The following NOLC1 variants were observed in gnomAD, a reference collection of about 807,000 sequenced individuals.
NOLC1 encodes 140 kDa nucleolar phosphoprotein.
A neutral mutation model predicts 73.4 loss-of-function variants in NOLC1; 37 were observed. The observed-to-expected ratio is 0.50, with a 90% CI of 0.39 to 0.66. The LOEUF is 0.66. Among genes scored for constraint, NOLC1 ranks in the 30% least tolerant of loss-of-function variants. The pLI, the probability that NOLC1 is intolerant of heterozygous loss-of-function variation, is 0.00. For synonymous variants in NOLC1, 327 were observed against 302.6 expected, an observed-to-expected ratio of 1.08 and a Z score of -0.84; for missense variants, 921 against 838.9, an observed-to-expected ratio of 1.10 and a Z score of -1.21.
Position 102,152,439 on chromosome 10 carries a change from T to C in NOLC1, c.29T>C (p.Val10Ala), listed in dbSNP as rs755318558. Residue 10 changes from valine to alanine, a missense_variant, in exon 1 of 13, where the codon GTT becomes GCT. Physicochemically the swap from Val to Ala is moderately conservative, Grantham distance 64. Coordinates refer to ENST00000605788, the MANE Select transcript of NOLC1 (RefSeq NM_004741.5). ...GCGGACGCCGGCATTCGCCGCGTGGTTCCCAGCGACCTGTATCCCCTCGTG... is the reference window on the plus strand; with the variant it reads ...GCGGACGCCGGCATTCGCCGCGTGGCTCCCAGCGACCTGTATCCCCTCGTG... MADAGIRRV[V>A]PSDLYPLVLG... 1.2e-6 allele frequency: 2 copies of C among 1,612,560 alleles called. No homozygotes were observed. The highest frequency in any genetic ancestry group is 1.1e-5 in the South Asian group (1 of 91,088).
At position 102,159,229 on chromosome 10, in the gene NOLC1, CCAGTAGCAG is replaced by C. The variant is rs748147452; in HGVS notation, c.657_665del (p.Ser225_Ser227del). The C allele has an allele frequency of 5.5e-5, 89 of 1,613,874 alleles. No homozygotes were observed. The highest frequency in any genetic ancestry group is 6.4e-5 in the Non-Finnish European group (75 of 1,180,010). On this transcript the variant is annotated inframe_deletion, in exon 6 of 13. Coordinates refer to ENST00000605788, the MANE Select transcript of NOLC1 (RefSeq NM_004741.5). ...CCTAAAATAGCCAATGGTAAAGCAG[CCAGTAGCAG>C]CAGTAGCAGCAGCAGCAGCAGTAGC...
intron 7 of NOLC1, 85 bp from the exon 8 acceptor site, chr10:102,159,811 A>C: frequency 1.5e-6 from 2 of 1,349,694 alleles, no homozygotes; most frequent in Non-Finnish European, 2.0e-6. Context: ...AGTGAAGGGG[A>C]ATTAAGCTTC....
chr10:102,158,316 T>A (rs2069634602), intron 5 of NOLC1, 102 bp downstream of exon 5: 1 of 939,854 alleles, frequency 1.1e-6, no homozygotes, highest in Non-Finnish European at 1.6e-6. Context: ...GTACTGTTTG[T>A]TGAACTGGAG....
rs780252819 is a variant in NOLC1, at chr10:102,157,209, G to A, written c.197G>A (p.Arg66Gln). Residue 66 changes from arginine (R) to glutamine (Q), a missense_variant, in exon 3 of 13, where the codon CGA (arginine) becomes CAA (glutamine). By Grantham distance (43) the Arg-to-Gln change is conservative. Coordinates refer to ENST00000605788, the MANE Select transcript of NOLC1 (RefSeq NM_004741.5). The stretch of plus-strand genomic sequence containing the variant: ...AGCAGGTCTGCCAAGGTCCCAGAGC[G>A]AAAGTTACAGGCAAATGGACCAGTG... ...FWLKSAKVPERKLQANGPVAK... is the reference protein window; with the variant it reads ...FWLKSAKVPEQKLQANGPVAK... The A allele has an allele frequency of 2.3e-5, 37 of 1,614,080 alleles. No individual in the cohort carries two copies. Among genetic ancestry groups the A allele is most frequent in the East Asian group, 1.6e-4 (7 of 44,904 alleles).
chr10:102,153,499 A>G (rs2069540431), intron 1 of NOLC1, among the ~76,000 whole-genome samples: 2 of 152,218 alleles, frequency 1.3e-5, no homozygotes, highest in Non-Finnish European at 2.9e-5. Context: ...TAGCAGAATC[A>G]GGCTGCGAAA....
chr10:102,161,595 A>T lies in NOLC1; in HGVS notation c.1781A>T (p.Glu594Val), dbSNP rs753612673. Residue 594 changes from glutamate to valine, a missense_variant, in exon 11 of 13, where the codon GAG becomes GTG. Physicochemically the swap from Glu to Val is moderately radical, Grantham distance 121. Transcript: ENST00000605788. ...KKRKQNEAAK[E>V]AETPQAKKIK... The stretch of plus-strand genomic sequence containing the variant: ...CGGAAGCAGAATGAGGCTGCCAAGG[A>T]GGCAGAGACTCCTCAGGCCAAGAAG... 81 of 1,613,932 alleles carry T rather than the reference A, an allele frequency of 5.0e-5. No homozygotes were observed. The highest frequency in any genetic ancestry group is 6.4e-5 in the Non-Finnish European group (75 of 1,179,958).
At position 102,152,607 on chromosome 10, in the gene NOLC1, G is replaced by A. The variant is rs367617568; in HGVS notation, c.120+77G>A. 1.2e-5 allele frequency: 19 copies of A among 1,590,272 alleles called. No homozygotes were observed. In the African/African-American group the frequency reaches 1.6e-4, roughly 13 times the overall value. On this transcript the variant is annotated intron_variant, in intron 1 of 12. Coordinates refer to ENST00000605788, the MANE Select transcript of NOLC1 (RefSeq NM_004741.5). The stretch of plus-strand genomic sequence containing the variant: ...AGGCCCTGACGTGCTTAGGTTTCCA[G>A]GTGGGGAAGTCTGGGGGTCCGCCAG...
chr10:102,159,794 A>C (rs898650402), intron 7 of NOLC1, 102 bp from the exon 8 acceptor site: 3 of 1,252,104 alleles, frequency 2.4e-6, no homozygotes, highest in Non-Finnish European at 3.3e-6. Context: ...ATTCTGGCCC[A>C]TACTCAAGTG....
intron 1 of NOLC1, among the ~76,000 whole-genome samples, chr10:102,154,486 CA>C (rs373904463): frequency 2.6e-5 from 4 of 152,120 alleles, no homozygotes; most frequent in African/African-American, 9.6e-5. Flanking sequence ...GTAATTTGTC[CA>C]AAGGTGAGTT....
chr10:102,161,251 T>A (rs950096149), intron 10 of NOLC1, among the ~76,000 whole-genome samples, 158 bp downstream of exon 10: 8 of 151,364 alleles, frequency 5.3e-5, no homozygotes, highest in Non-Finnish European at 8.9e-5. Flanking sequence ...TTTTTTTTTT[T>A]ATTAGAGTCT....
At position 102,152,474 on chromosome 10, in the gene NOLC1, C is replaced by T. The variant is rs1331516827; in HGVS notation, c.64C>T (p.Leu22=). ...SDLYPLVLGF[L]RDNQLSEVAN... is the part of the protein sequence containing the mutation. ...CCTGTATCCCCTCGTGCTCGGCTTC[C>T]TGCGCGATAACCAACTCTCAGAGGT... The change falls in exon 1 of 13, where the codon CTG becomes TTG. Residue 22 remains leucine, a synonymous_variant. Coordinates refer to ENST00000605788, the MANE Select transcript of NOLC1 (RefSeq NM_004741.5). The T allele has an allele frequency of 1.2e-6, 2 of 1,613,600 alleles. No homozygotes were observed. Among genetic ancestry groups the T allele is most frequent in the Admixed American group, 3.3e-5 (2 of 60,014 alleles).
At position 102,160,827 on chromosome 10, in the gene NOLC1, A is replaced by G; in HGVS notation, c.1475A>G (p.Lys492Arg). Residue 492 changes from lysine to arginine, a missense_variant, in exon 10 of 13, where the codon AAG (lysine) becomes AGG (arginine). By Grantham distance (26) the Lys-to-Arg change is conservative (BLOSUM62 2). Coordinates refer to ENST00000605788, the MANE Select transcript of NOLC1 (RefSeq NM_004741.5). ...EEKTSKSAVK[K>R]KPQKVAGGAA... ...AAGACATCTAAGTCTGCAGTTAAGA[A>G]GAAGCCACAGAAGGTAGCAGGAGGT... 2 of 1,614,180 alleles carry G rather than the reference A, an allele frequency of 1.2e-6. No homozygotes were observed. Among genetic ancestry groups the G allele is most frequent in the South Asian group, 1.1e-5 (1 of 91,082 alleles).
intron 11 of NOLC1, 77 bp from the exon 12 acceptor site, chr10:102,161,756 A>T (rs1304540325): frequency 6.6e-7 from 1 of 1,522,182 alleles, no homozygotes; most frequent in Non-Finnish European, 9.1e-7. Flanking sequence ...GACCTGGTAC[A>T]TGTGCCCATG....
At position 102,157,562 on chromosome 10, in the gene NOLC1, AGCTTTGG is replaced by A; in HGVS notation, c.441+9_441+15del. On this transcript the variant is annotated splice_region_variant and intron_variant, in intron 4 of 12. Coordinates refer to ENST00000605788, the MANE Select transcript of NOLC1 (RefSeq NM_004741.5). Reference sequence around the variant, plus strand: ...AAAGAAACAGCCTGTCCAGGTTTGCAGCTTTGGGAAGAAAAAGGGGTTTAAGGATTAG... The same window carrying A: ...AAAGAAACAGCCTGTCCAGGTTTGCAGAAGAAAAAGGGGTTTAAGGATTAG... 1 of 1,612,634 alleles carries A rather than the reference AGCTTTGG, an allele frequency of 6.2e-7. No individual in the cohort carries two copies. Among genetic ancestry groups the A allele is most frequent in the Middle Eastern group, 1.7e-4 (1 of 6,058 alleles).
In NOLC1 at chr10:102,159,236, C is replaced by CAGCAGT. The variant is rs745455794; in HGVS notation, c.657_662dup (p.Ser226_Ser227dup). On this transcript the variant is annotated inframe_insertion, in exon 6 of 13. Coordinates refer to ENST00000605788, the MANE Select transcript of NOLC1 (RefSeq NM_004741.5). ...TAGCCAATGGTAAAGCAGCCAGTAG[C>CAGCAGT]AGCAGTAGCAGCAGCAGCAGCAGTA... The CAGCAGT allele has an allele frequency of 1.2e-6, 2 of 1,613,166 alleles. No individual in the cohort carries two copies. Among genetic ancestry groups the CAGCAGT allele is most frequent in the South Asian group, 1.1e-5 (1 of 91,054 alleles).
intron 2 of NOLC1, 29 bp from the exon 3 acceptor site, chr10:102,157,160 C>T (rs902782707): frequency 6.2e-7 from 1 of 1,613,884 alleles, no homozygotes; most frequent in Non-Finnish European, 8.5e-7. Flanking sequence ...TTCCAGTCCC[C>T]TAGAAATTGG....
chr10:102,155,571 T>A (rs2069581937), intron 1 of NOLC1, among the ~76,000 whole-genome samples: 3 of 150,840 alleles, frequency 2.0e-5, no homozygotes, highest in Admixed American at 1.3e-4. Flanking sequence ...TACAATGGTG[T>A]GATACTGGCT....
In NOLC1 at chr10:102,159,321, A is replaced by G; in HGVS notation, c.723+13A>G. On this transcript the variant is annotated intron_variant, in intron 6 of 12. Coordinates refer to ENST00000605788, the MANE Select transcript of NOLC1 (RefSeq NM_004741.5). ...CACCCCCAAGAAGGTCTGGACCATA[A>G]CTTCTGTCAGGGCAGAGGTGACCAG... 1 of 1,614,102 alleles carries G rather than the reference A, an allele frequency of 6.2e-7. No individual in the cohort carries two copies. The highest frequency in any genetic ancestry group is 1.1e-5 in the South Asian group (1 of 91,072).
chr10:102,158,295 G>T, intron 5 of NOLC1, 81 bp downstream of exon 5: 1 of 1,217,864 alleles, frequency 8.2e-7, no homozygotes, highest in Non-Finnish European at 1.2e-6. Flanking sequence ...ATTTGGCACA[G>T]GGGTGAAATG....
Sources: gnomAD v4.1 joint callset for allele counts (sites outside exome capture counted in the v4.1 genomes callset) on GRCh38, gnomAD v4.1.1 for gene constraint, MANE v1.5 for transcripts, NCBI Gene and HGNC (gene_info 2026-07-23, HGNC 2026-07-21) for gene names.